ATXN1: variants seen among roughly 807,000 people sequenced by gnomAD.
ATXN1 encodes ataxin 1.
ATXN1 carries 8 observed loss-of-function variants against 56.4 expected under a neutral mutation model. That is an observed-to-expected ratio of 0.14 (90% CI 0.08 to 0.26). ATXN1 has a LOEUF of 0.26. Among genes scored for constraint, ATXN1 ranks in the 10% least tolerant of loss-of-function variants. ATXN1 has a pLI of 1.00. For missense variants in ATXN1, 987 were observed against 1,106.5 expected (o/e 0.89, Z 1.53); for synonymous variants, 514 against 494.6 (o/e 1.04, Z -0.52).
chr6:16,339,835 T>C (rs970712753), intron 6 of ATXN1, among the ~76,000 whole-genome samples: 4 of 152,230 alleles, frequency 2.6e-5, no homozygotes, highest in Non-Finnish European at 5.9e-5. Flanking sequence ...CATGCTGTAG[T>C]GCAGTGGCGT....
At chr6:16,691,844 A>T (rs1203762827) in intron 2 of ATXN1, among the ~76,000 whole-genome samples, 3 of 152,218 alleles carry the variant, frequency 2.0e-5, no homozygotes, top group African/African-American at 7.2e-5. Context: ...TAGGGAGTGG[A>T]GCCCTTGGGA....
At chr6:16,471,671 G>A (rs947347981) in intron 6 of ATXN1, among the ~76,000 whole-genome samples, 3 of 147,720 alleles carry the variant, frequency 2.0e-5, no homozygotes, top group South Asian at 4.4e-4. Context: ...AGGAGTGTGC[G>A]TATGTGTGCA....
chr6:16,724,076 C>T (rs12196585), intron 2 of ATXN1, among the ~76,000 whole-genome samples: 29,366 of 152,114 alleles, frequency 0.19, 3,400 homozygotes, highest in South Asian at 0.26. Context: ...ACTCACATGC[C>T]TCAGACTGGA....
At chr6:16,749,017 T>A (rs955750140) in intron 2 of ATXN1, among the ~76,000 whole-genome samples, 5 of 152,236 alleles carry the variant, frequency 3.3e-5, no homozygotes, top group African/African-American at 1.2e-4. Flanking sequence ...TATATCTCTT[T>A]ATTTTCTATA....
At chr6:16,335,106 G>A (rs1761087212) in intron 6 of ATXN1, among the ~76,000 whole-genome samples, 1 of 152,192 alleles carries the variant, frequency 6.6e-6, no homozygotes, top group African/African-American at 2.4e-5. Flanking sequence ...TTGCCATTAG[G>A]AACATTCTGA....
intron 6 of ATXN1, among the ~76,000 whole-genome samples, chr6:16,388,637 A>G (rs16877998): frequency 0.14 from 20,897 of 152,222 alleles, 1,644 homozygotes; most frequent in African/African-American, 0.21. Flanking sequence ...CCATATCAGA[A>G]AGCTGGCATG....
intron 5 of ATXN1, among the ~76,000 whole-genome samples, chr6:16,490,548 G>A (rs909969730): frequency 6.6e-6 from 1 of 152,134 alleles, no homozygotes; most frequent in Non-Finnish European, 1.5e-5. Context: ...GTCAAGAATG[G>A]TTTCCTGCCT....
intron 5 of ATXN1, among the ~76,000 whole-genome samples, chr6:16,502,641 G>A (rs891468513): frequency 2.6e-5 from 4 of 152,044 alleles, no homozygotes; most frequent in East Asian, 1.9e-4. Context: ...ATACAGAATC[G>A]GAATTGTCAA....
At chr6:16,725,746 T>C (rs534667972) in intron 2 of ATXN1, among the ~76,000 whole-genome samples, 1 of 152,320 alleles carries the variant, frequency 6.6e-6, no homozygotes, top group East Asian at 1.9e-4. Context: ...AAGCTGACTA[T>C]GTTTATTCCA....
At chr6:16,424,039 G>A (rs566971958) in intron 6 of ATXN1, among the ~76,000 whole-genome samples, 7 of 152,170 alleles carry the variant, frequency 4.6e-5, no homozygotes, top group Non-Finnish European at 8.8e-5. Flanking sequence ...TACATCCTTC[G>A]CATCACATGA....
chr6:16,625,890 G>A (rs1763398249), intron 3 of ATXN1, among the ~76,000 whole-genome samples: 1 of 152,140 alleles, frequency 6.6e-6, no homozygotes, highest in South Asian at 2.1e-4. Context: ...TAAATGTTCT[G>A]ATCCCCTTGA....
chr6:16,666,905 G>T (rs191859953), intron 2 of ATXN1: 1 of 152,244 alleles, frequency 6.6e-6, no homozygotes, highest in East Asian at 1.9e-4. Flanking sequence ...TACATGGAAA[G>T]AGATTCAGAA....
rs143656214 is a variant in ATXN1, at chr6:16,469,729, C to T, written c.-161+16243G>A. 9.6e-3 allele frequency among the ~76,000 whole-genome samples: 1,453 copies of T among 152,134 alleles called. 63 individuals carry two copies. The highest frequency in any genetic ancestry group is 0.066 in the Admixed American group (1,001 of 15,274). On this transcript the variant is annotated intron_variant, in intron 6 of 7. Coordinates refer to ENST00000436367, the MANE Select transcript of ATXN1 (RefSeq NM_001128164.2). ...CTGTAATCCCAGTGCTTTGGGAGGC[C>T]GAGGCAGGCAGATCACCTGAGGTCA... is the stretch of plus-strand genomic sequence containing the variant.
At chr6:16,350,930 A>T (rs1257538194) in intron 6 of ATXN1, among the ~76,000 whole-genome samples, 1 of 152,108 alleles carries the variant, frequency 6.6e-6, no homozygotes, top group African/African-American at 2.4e-5. Flanking sequence ...AAATAATAAA[A>T]AAATTTAGGC....
intron 4 of ATXN1, among the ~76,000 whole-genome samples, chr6:16,526,064 T>TATATATATATATATATATATATATATAC (rs370698828): frequency 3.8e-5 from 5 of 133,306 alleles, no homozygotes; most frequent in African/African-American, 1.2e-4. Context: ...TATATATATA[T>TATATATATATATATATATATATATATAC]ACATACATAC....
rs1278603162 is a variant in ATXN1, at chr6:16,687,793, T to C, written c.-614-29892A>G. 3.9e-5 allele frequency among the ~76,000 whole-genome samples: 6 copies of C among 152,280 alleles called. No homozygotes were observed. In the East Asian group the frequency reaches 1.2e-3, roughly 29 times the overall value. The stretch of plus-strand genomic sequence containing the variant: ...ACAAATGGCTTCTACGGTCTTTTTG[T>C]GCCTTTATCATACCTAACTTTATCT... On this transcript the variant is annotated intron_variant, in intron 2 of 7. Transcript: ENST00000436367.
intron 6 of ATXN1, among the ~76,000 whole-genome samples, chr6:16,482,012 AT>A (rs35940923): frequency 0.012 from 1,738 of 147,484 alleles, 40 homozygotes; most frequent in East Asian, 0.11. Flanking sequence ...TAGGTCTAGA[AT>A]TTTTTTTTTT....
intron 3 of ATXN1, among the ~76,000 whole-genome samples, chr6:16,630,300 A>T (rs920120888): frequency 6.6e-6 from 1 of 152,244 alleles, no homozygotes; most frequent in African/African-American, 2.4e-5. Flanking sequence ...CTAGAGGAGG[A>T]CACTAGCCAT....
intron 2 of ATXN1, chr6:16,667,325 A>G (rs897399852): frequency 6.6e-6 from 1 of 152,184 alleles, no homozygotes. Flanking sequence ...GTATTCCACA[A>G]TCATGAAACA....
Sources: allele counts gnomAD v4.1 joint callset (sites outside exome capture counted in the v4.1 genomes callset), GRCh38; gene constraint gnomAD v4.1.1; transcripts MANE v1.5; gene names NCBI Gene and HGNC (gene_info 2026-07-23, HGNC 2026-07-21).